The following ACTN4 variants were observed in gnomAD, a reference collection of about 807,000 sequenced individuals.
The protein encoded by ACTN4 is actinin alpha 4.
A neutral mutation model predicts 114.2 loss-of-function variants in ACTN4; 18 were observed. That is an observed-to-expected ratio of 0.16 (90% confidence interval 0.11 to 0.23). ACTN4 has a LOEUF of 0.23. Ranked by LOEUF, ACTN4 falls within the 10% of genes least tolerant of loss-of-function variation. The pLI, the probability that ACTN4 is intolerant of heterozygous loss-of-function variation, is 1.00. For missense variants in ACTN4, 722 were observed against 1,262.9 expected, an observed-to-expected ratio of 0.57 and a Z score of 6.49; for synonymous variants, 515 against 506.3, an observed-to-expected ratio of 1.02 and a Z score of -0.23.
intron 9 of ACTN4, among the ~76,000 whole-genome samples, chr19:38,715,869 G>A (rs902285704): frequency 6.6e-6 from 1 of 152,184 alleles, no homozygotes; most frequent in Non-Finnish European, 1.5e-5. Flanking sequence ...GCTTGTCCGT[G>A]CTGGCAGATA....
At chr19:38,714,412 C>T (rs188227551) in intron 8 of ACTN4, 57 bp from the exon 9 acceptor site, 43 of 1,540,470 alleles carry the variant, frequency 2.8e-5, no homozygotes, top group South Asian at 7.9e-5. Flanking sequence ...GGGACGTGCC[C>T]GTCAGGAGGG....
intron 3 of ACTN4, among the ~76,000 whole-genome samples, chr19:38,701,588 G>A (rs575968506): frequency 4.6e-4 from 70 of 152,338 alleles, no homozygotes; most frequent in African/African-American, 1.6e-3. Flanking sequence ...ACGGCCAAAG[G>A]TCAGTGCCTA....
chr19:38,711,213 C>A, intron 8 of ACTN4: 1 of 878,210 alleles, frequency 1.1e-6, no homozygotes, highest in Non-Finnish European at 1.4e-6. Context: ...CCGGCCCGGC[C>A]GCCCTCCCTG....
intron 3 of ACTN4, 130 bp from the exon 4 acceptor site, chr19:38,704,804 G>A: frequency 1.3e-6 from 1 of 769,440 alleles, no homozygotes; most frequent in Non-Finnish European, 2.3e-6. Context: ...GACAGGCCTG[G>A]GAGATGCAAC....
In ACTN4 at chr19:38,706,056, A is replaced by G. The variant is rs754477143; in HGVS notation, c.497A>G (p.Lys166Arg). ...GTGTGTTTTGCAGAGACCTCGGCCA[A>G]GGAAGGGCTCCTTCTCTGGTGCCAG... The part of the protein sequence containing the change: ...QDISVEETSA[K>R]EGLLLWCQRK... Residue 166 changes from lysine (K) to arginine (R), a missense_variant, in exon 5 of 21, where the codon AAG (lysine) becomes AGG (arginine). By Grantham distance (26) the Lys-to-Arg change is conservative. Around this residue, in one of 3 missense-constraint regions of ACTN4, gnomAD observed 127 missense variants for 311.3 expected, o/e 0.41. Coordinates refer to ENST00000252699, the MANE Select transcript of ACTN4 (RefSeq NM_004924.6). 2 of 1,614,040 alleles carry G rather than the reference A, an allele frequency of 1.2e-6. No homozygotes were observed. Among genetic ancestry groups the G allele is most frequent in the Non-Finnish European group, 1.7e-6 (2 of 1,180,000 alleles).
intron 8 of ACTN4, among the ~76,000 whole-genome samples, chr19:38,712,746 C>T (rs1362417987): frequency 6.6e-6 from 1 of 152,180 alleles, no homozygotes; most frequent in Admixed American, 6.5e-5. Context: ...TGCCATTGGA[C>T]TCACCCCTAC....
chr19:38,701,173 C>G, intron 3 of ACTN4, 52 bp downstream of exon 3: 1 of 1,610,626 alleles, frequency 6.2e-7, no homozygotes, highest in Non-Finnish European at 8.5e-7. Flanking sequence ...GACCTTTAGG[C>G]TCTGAAGCAC....
intron 1 of ACTN4, among the ~76,000 whole-genome samples, chr19:38,697,953 G>C (rs2144981443): frequency 6.6e-6 from 1 of 152,346 alleles, no homozygotes; most frequent in East Asian, 1.9e-4. Context: ...CAGTGCTCTG[G>C]GGCTGTAAAG....
intron 11 of ACTN4, among the ~76,000 whole-genome samples, chr19:38,719,581 A>G (rs1409398508): frequency 1.3e-5 from 2 of 152,248 alleles, no homozygotes; most frequent in Admixed American, 6.5e-5. Flanking sequence ...CCTGGCAGAA[A>G]GGCACCCATG....
chr19:38,680,003 A>T (rs1967504693), intron 1 of ACTN4, among the ~76,000 whole-genome samples: 2 of 151,936 alleles, frequency 1.3e-5, no homozygotes, highest in Non-Finnish European at 1.5e-5. Flanking sequence ...TTTTCCCTGA[A>T]GGAACTTACC....
Position 38,731,563 on chromosome 19 carries a change from C to T in ACTN4, c.*2131C>T. On this transcript the variant is annotated 3_prime_UTR_variant, in exon 21 of 21. Transcript: ENST00000252699. ...GGCACTGGAGGATATTTCTGTGCAG[C>T]AAAAAATATAGTCAATCCCATATGG... 1 of 360,730 alleles carries T rather than the reference C, an allele frequency of 2.8e-6. No individual in the cohort carries two copies. 22.3% of individuals were successfully genotyped at this position (360,730 alleles called of 1,614,324 possible).
chr19:38,699,858 C>T (rs1417779990), intron 1 of ACTN4, among the ~76,000 whole-genome samples: 1 of 152,126 alleles, frequency 6.6e-6, no homozygotes, highest in Non-Finnish European at 1.5e-5. Context: ...CCAGGCGACA[C>T]AGGCGTGTGT....
chr19:38,679,546 T>G (rs1195031976), intron 1 of ACTN4, among the ~76,000 whole-genome samples: 1 of 150,998 alleles, frequency 6.6e-6, no homozygotes, highest in Non-Finnish European at 1.5e-5. Flanking sequence ...TACCCATACG[T>G]GCTCAAATAG....
intron 1 of ACTN4, among the ~76,000 whole-genome samples, chr19:38,690,111 G>A (rs1292041217): frequency 6.6e-6 from 1 of 152,224 alleles, no homozygotes; most frequent in Non-Finnish European, 1.5e-5. Flanking sequence ...GACAATGATT[G>A]GGATATAAAC....
At chr19:38,723,796 C>T in intron 13 of ACTN4, 74 bp downstream of exon 13, 7 of 1,474,954 alleles carry the variant, frequency 4.7e-6, no homozygotes, top group Non-Finnish European at 5.6e-6. Context: ...GGATAGTGTC[C>T]AGACCTGTGA....
chr19:38,702,589 G>A (rs1041129376), intron 3 of ACTN4, among the ~76,000 whole-genome samples: 9 of 152,110 alleles, frequency 5.9e-5, no homozygotes, highest in Admixed American at 2.0e-4. Context: ...CTGCAGGCCC[G>A]GCCCTCAGGA....
At chr19:38,665,947 G>A (rs975225800) in intron 1 of ACTN4, among the ~76,000 whole-genome samples, 12 of 152,130 alleles carry the variant, frequency 7.9e-5, no homozygotes, top group African/African-American at 2.9e-4. Flanking sequence ...CAGTTGGTGT[G>A]TGATGTAGAA....
In ACTN4 at chr19:38,730,676, T is replaced by C. The variant is rs968587703; in HGVS notation, c.*1244T>C. 5.7e-6 allele frequency: 4 copies of C among 698,878 alleles called. No homozygotes were observed. Among genetic ancestry groups the C allele is most frequent in the Admixed American group, 2.5e-5 (1 of 40,606 alleles). The allele number at this position is 698,878 out of a possible 1,614,324, so 43.3% of individuals were successfully genotyped here. A position where few individuals can be genotyped will look rare whatever the true frequency, so the allele number is the denominator to read the frequency against. ...GAGAAGGGCTGTCGCTGTTCTTGTT[T>C]CTGAGTGAGGAGTACGCAGGCCAGA... On this transcript the variant is annotated 3_prime_UTR_variant, in exon 21 of 21. Transcript: ENST00000252699.
At chr19:38,652,418 AG>A (rs1976591713) in intron 1 of ACTN4, among the ~76,000 whole-genome samples, 1 of 152,136 alleles carries the variant, frequency 6.6e-6, no homozygotes, top group African/African-American at 2.4e-5. Context: ...CTGGGACTGC[AG>A]GGTCACTTAC....
Sources: allele counts gnomAD v4.1 joint callset (sites outside exome capture counted in the v4.1 genomes callset), GRCh38; gene constraint gnomAD v4.1.1; regional missense constraint gnomAD v4.1.1; transcripts MANE v1.5; gene names NCBI Gene and HGNC (gene_info 2026-07-23, HGNC 2026-07-21).